The following CHCHD3 variants were observed in gnomAD, a reference collection of about 807,000 sequenced individuals.
CHCHD3 encodes the protein coiled-coil-helix-coiled-coil-helix domain containing 3.
Under a neutral mutation model 38.2 loss-of-function variants are expected in CHCHD3, and 20 were observed. The observed-to-expected ratio is 0.52, with a 90% confidence interval of 0.37 to 0.76. The LOEUF (loss-of-function observed/expected upper bound fraction) is 0.76, where lower values mean the gene tolerates loss of function less well. CHCHD3 is among the 30% of genes least tolerant of loss of function. CHCHD3 has a pLI of 0.00. For missense variants in CHCHD3, 245 were observed against 279.2 expected, an observed-to-expected ratio of 0.88 and a Z score of 0.87; for synonymous variants, 82 against 100.0, an observed-to-expected ratio of 0.82 and a Z score of 1.07.
chr7:132,844,813 T>C (rs569307804), intron 5 of CHCHD3, among the ~76,000 whole-genome samples: 1 of 152,286 alleles, frequency 6.6e-6, no homozygotes, highest in South Asian at 2.1e-4. Context: ...AACAACAATA[T>C]AATTCTCTAT....
chr7:132,944,016 T>C (rs368033748), intron 4 of CHCHD3, among the ~76,000 whole-genome samples: 10 of 152,132 alleles, frequency 6.6e-5, no homozygotes, highest in Non-Finnish European at 1.5e-4. Context: ...TTTCTCTGTG[T>C]GGGCATGAGC....
At chr7:132,960,254 T>A (rs868653410) in intron 4 of CHCHD3, among the ~76,000 whole-genome samples, 1 of 150,792 alleles carries the variant, frequency 6.6e-6, no homozygotes, top group Non-Finnish European at 1.5e-5. Flanking sequence ...AAAAAAAAAA[T>A]ATTCAAAGAG....
At chr7:132,912,903 C>T (rs1478616772) in intron 4 of CHCHD3, among the ~76,000 whole-genome samples, 1 of 152,128 alleles carries the variant, frequency 6.6e-6, no homozygotes, top group Non-Finnish European at 1.5e-5. Context: ...GTTATGAGGT[C>T]AAATGGTTTA....
chr7:133,001,258 CAG>C (rs1213206891), intron 3 of CHCHD3, among the ~76,000 whole-genome samples: 2 of 152,158 alleles, frequency 1.3e-5, no homozygotes, highest in African/African-American at 2.4e-5. Context: ...TTAGCAGAGT[CAG>C]GTACTGCTAA....
intron 7 of CHCHD3, among the ~76,000 whole-genome samples, chr7:132,789,705 G>A (rs576203065): frequency 6.6e-6 from 1 of 152,120 alleles, no homozygotes; most frequent in African/African-American, 2.4e-5. Context: ...ATCATGAAGA[G>A]AAGAAAAGCG....
chr7:132,899,115 G>C (rs558299358), intron 4 of CHCHD3, among the ~76,000 whole-genome samples: 2 of 152,366 alleles, frequency 1.3e-5, no homozygotes, highest in South Asian at 4.1e-4. Flanking sequence ...CCAGGCAGAG[G>C]AGGCGCCGAG....
chr7:132,846,587 T>C (rs1808082122), intron 5 of CHCHD3, among the ~76,000 whole-genome samples: 1 of 152,236 alleles, frequency 6.6e-6, no homozygotes, highest in Admixed American at 6.5e-5. Flanking sequence ...ACCTAGTCCA[T>C]AAGCTCCATA....
rs545478271 is a variant in CHCHD3, at chr7:133,069,234, T to C, written c.169+908A>G. On this transcript the variant is annotated intron_variant, in intron 2 of 7. Transcript: ENST00000262570. ...TCAAAGGGGCAAGAAGTCATTCTTA[T>C]TCATCTTGGTACCCTTTCCTCTAAA... Among the ~76,000 whole-genome samples the C allele has an allele frequency of 2.7e-5, 4 of 149,784 alleles. No individual in the cohort carries two copies. The East Asian group carries it at 8.1e-4, about 30-fold the overall frequency.
At chr7:132,893,515 G>A (rs1362688632) in intron 4 of CHCHD3, among the ~76,000 whole-genome samples, 1 of 152,226 alleles carries the variant, frequency 6.6e-6, no homozygotes, top group African/African-American at 2.4e-5. Context: ...CTGGGGGACT[G>A]TGAGGAAGGC....
intron 4 of CHCHD3, among the ~76,000 whole-genome samples, chr7:132,966,754 C>T (rs1811474191): frequency 6.6e-6 from 1 of 152,200 alleles, no homozygotes; most frequent in Non-Finnish European, 1.5e-5. Context: ...CTTACATTCT[C>T]ATTCAAAACA....
At chr7:132,948,002 AG>A (rs1439663558) in intron 4 of CHCHD3, among the ~76,000 whole-genome samples, 1 of 152,132 alleles carries the variant, frequency 6.6e-6, no homozygotes, top group Non-Finnish European at 1.5e-5. Flanking sequence ...GGGGGGAAAA[AG>A]TCACAAATAC....
At chr7:132,974,618 G>A (rs1191292850) in intron 4 of CHCHD3, among the ~76,000 whole-genome samples, 3 of 152,178 alleles carry the variant, frequency 2.0e-5, no homozygotes, top group African/African-American at 7.2e-5. Context: ...GCTCACACCT[G>A]TAATCCCAGC....
intron 5 of CHCHD3, among the ~76,000 whole-genome samples, chr7:132,840,747 T>C (rs2117099084): frequency 6.6e-6 from 1 of 152,314 alleles, no homozygotes; most frequent in South Asian, 2.1e-4. Flanking sequence ...AGATTCTAAA[T>C]GGTAAAAAGT....
At chr7:133,028,137 G>C (rs1584655137) in intron 2 of CHCHD3, among the ~76,000 whole-genome samples, 1 of 152,098 alleles carries the variant, frequency 6.6e-6, no homozygotes. Context: ...AACATAATTA[G>C]TATGATTGAT....
intron 2 of CHCHD3, among the ~76,000 whole-genome samples, chr7:133,068,384 A>C (rs1814731069): frequency 6.6e-6 from 1 of 152,212 alleles, no homozygotes; most frequent in South Asian, 2.1e-4. Context: ...GATAGCAGTC[A>C]CAGTGAATAA....
At chr7:132,841,869 G>T (rs940056334) in intron 5 of CHCHD3, among the ~76,000 whole-genome samples, 1 of 152,012 alleles carries the variant, frequency 6.6e-6, no homozygotes, top group African/African-American at 2.4e-5. Flanking sequence ...AGGCAGAGGC[G>T]GGCATATCAC....
chr7:132,818,206 G>A (rs1807254529), intron 6 of CHCHD3, among the ~76,000 whole-genome samples: 1 of 152,204 alleles, frequency 6.6e-6, no homozygotes, highest in Non-Finnish European at 1.5e-5. Context: ...ATACCAGACA[G>A]TTTCTTGTAC....
At chr7:132,851,804 A>C (rs1808225204) in intron 5 of CHCHD3, among the ~76,000 whole-genome samples, 1 of 152,246 alleles carries the variant, frequency 6.6e-6, no homozygotes, top group Admixed American at 6.5e-5. Context: ...TGCCACGTGC[A>C]CATTTAATAG....
At chr7:132,795,400 C>G (rs1347301231) in intron 7 of CHCHD3, among the ~76,000 whole-genome samples, 1 of 152,180 alleles carries the variant, frequency 6.6e-6, no homozygotes, top group African/African-American at 2.4e-5. Context: ...AAGAGTTATA[C>G]AAGTGCAGCT....
Sources: allele counts gnomAD v4.1 joint callset (sites outside exome capture counted in the v4.1 genomes callset), GRCh38; gene constraint gnomAD v4.1.1; transcripts MANE v1.5; gene names NCBI Gene and HGNC (gene_info 2026-07-23, HGNC 2026-07-21).